Variants in FREM1 observed in about 807,000 individuals in gnomAD.
FREM1 encodes FRAS1-related extracellular matrix protein 1.
FREM1 carries 220 observed loss-of-function variants against 210.1 expected under a neutral mutation model. That is an observed-to-expected ratio of 1.05 (90% CI 0.94 to 1.17). The LOEUF (loss-of-function observed/expected upper bound fraction) is 1.17, where lower values mean the gene tolerates loss of function less well. FREM1 is among the 50% of genes most tolerant of loss of function. FREM1 has a pLI of 0.00. For missense variants in FREM1, 3,454 were observed against 2,675.5 expected (o/e 1.29, Z -6.42); for synonymous variants, 1,189 against 980.2 (o/e 1.21, Z -3.98).
chr9:14,761,882 A>G (rs1845561476), intron 27 of FREM1, among the ~76,000 whole-genome samples: 1 of 152,212 alleles, frequency 6.6e-6, no homozygotes, highest in Non-Finnish European at 1.5e-5. Flanking sequence ...CCCAAAGTGC[A>G]AGAGTAGTGA....
chr9:14,827,129 C>A (rs897690168), intron 10 of FREM1, among the ~76,000 whole-genome samples: 7 of 151,690 alleles, frequency 4.6e-5, no homozygotes, highest in African/African-American at 1.5e-4. Flanking sequence ...GTGAATAGAT[C>A]ATAAAGGGCA....
chr9:14,904,114 C>CAAAAAAAA (rs35708320), intron 1 of FREM1, among the ~76,000 whole-genome samples: 1 of 71,668 alleles, frequency 1.4e-5, no homozygotes, highest in African/African-American at 5.8e-5. Context: ...GACTCCGTCT[C>CAAAAAAAA]AAAAAAAAAA....
chr9:14,860,990 T>TAC (rs1564104186), intron 3 of FREM1, among the ~76,000 whole-genome samples: 1 of 116,264 alleles, frequency 8.6e-6, no homozygotes, highest in African/African-American at 3.9e-5. Context: ...TACACATATA[T>TAC]ACATATATAT....
chr9:14,884,302 TTTC>T (rs1835379173), intron 1 of FREM1, among the ~76,000 whole-genome samples: 1 of 152,162 alleles, frequency 6.6e-6, no homozygotes, highest in Non-Finnish European at 1.5e-5. Flanking sequence ...GGCTCAGCTG[TTTC>T]TTAACATTTC....
chr9:14,759,016 G>A lies in FREM1; in HGVS notation c.5334+756C>T, dbSNP rs74347481. Among the ~76,000 whole-genome samples the A allele has an allele frequency of 3.6e-3, 553 of 152,276 alleles. 6 individuals are homozygous for A. The highest frequency in any genetic ancestry group is 0.013 in the African/African-American group (523 of 41,556). On this transcript the variant is annotated intron_variant, in intron 28 of 36. Coordinates refer to ENST00000380880, the MANE Select transcript of FREM1 (RefSeq NM_001379081.2). ...TGAGCCCATGGGAAGTGACTGAGGT[G>A]AATACTAAGAGAAAGCCTCTTGGGA...
chr9:14,878,111 G>A (rs1834111075), intron 1 of FREM1, among the ~76,000 whole-genome samples: 1 of 152,062 alleles, frequency 6.6e-6, no homozygotes, highest in Admixed American at 6.5e-5. Context: ...TTGATTAAAT[G>A]TTACTTATAC....
At chr9:14,884,956 G>T (rs1004487876) in intron 1 of FREM1, among the ~76,000 whole-genome samples, 2 of 105,248 alleles carry the variant, frequency 1.9e-5, no homozygotes, top group Non-Finnish European at 3.3e-5. Context: ...ACGGAGTCTC[G>T]CTCTGTCGCC....
intron 21 of FREM1, among the ~76,000 whole-genome samples, chr9:14,793,882 CAGT>C (rs778395323): frequency 2.6e-5 from 4 of 152,158 alleles, no homozygotes; most frequent in Non-Finnish European, 5.9e-5. Context: ...TCTTCCCTCG[CAGT>C]GGGTGGTGAC....
At chr9:14,830,141 CA>C (rs1218368411) in intron 10 of FREM1, among the ~76,000 whole-genome samples, 1 of 151,956 alleles carries the variant, frequency 6.6e-6, no homozygotes, top group Non-Finnish European at 1.5e-5. Context: ...AGGGAAGATG[CA>C]AAAGAAAGAG....
At chr9:14,839,404 G>T (rs2131153710) in intron 10 of FREM1, among the ~76,000 whole-genome samples, 1 of 152,326 alleles carries the variant, frequency 6.6e-6, no homozygotes, top group African/African-American at 2.4e-5. Context: ...AGATAGAGAG[G>T]TAGGACACAC....
At chr9:14,752,412 A>T (rs1433243289) in intron 29 of FREM1, among the ~76,000 whole-genome samples, 1 of 152,194 alleles carries the variant, frequency 6.6e-6, no homozygotes, top group African/African-American at 2.4e-5. Flanking sequence ...ACATGGGTGG[A>T]CAGGAGGCCA....
At position 14,863,690 on chromosome 9, in the gene FREM1, C is replaced by G. The variant is rs189750567; in HGVS notation, c.329+119G>C. 7.5e-4 allele frequency: 471 copies of G among 625,782 alleles called. 6 individuals are homozygous for G. The highest frequency in any genetic ancestry group is 7.2e-3 in the African/African-American group (394 of 54,602). The allele number at this position is 625,782 out of a possible 1,614,324, so 38.8% of individuals were successfully genotyped here. ...TCAGGCCTCCAGTTTCTGTTGATTA[C>G]TTTCTTGTCTGGAATCTATTAACTC... is the stretch of plus-strand genomic sequence containing the variant. On this transcript the variant is annotated intron_variant, in intron 3 of 36. Coordinates refer to ENST00000380880, the MANE Select transcript of FREM1 (RefSeq NM_001379081.2).
chr9:14,910,620 C>T (rs115626683), upstream of FREM1: 1,717 of 152,874 alleles, frequency 0.011, 24 homozygotes, highest in Middle Eastern at 0.027. Context: ...CACACAGACA[C>T]ATACACAGGC....
intron 1 of FREM1, among the ~76,000 whole-genome samples, chr9:14,907,089 A>T (rs913722181): frequency 2.0e-5 from 3 of 152,172 alleles, no homozygotes; most frequent in Admixed American, 6.5e-5. Flanking sequence ...CTTCTGTAAA[A>T]ACTTACCCAT....
In FREM1 at chr9:14,823,292, G is replaced by A; in HGVS notation, c.2205C>T (p.Pro735=). 7 of 1,613,824 alleles carry A rather than the reference G, an allele frequency of 4.3e-6. No individual in the cohort carries two copies. Among genetic ancestry groups the A allele is most frequent in the Non-Finnish European group, 5.9e-6 (7 of 1,179,804 alleles). The part of the protein sequence containing the change: ...AVNYMKVAYM[P]PMQDIGPHCR... Reference sequence around the variant, plus strand: ...AATGGGGACCAATGTCTTGCATGGGGGGCATGTAGGCCACTTTCATATAGT... The same window carrying A: ...AATGGGGACCAATGTCTTGCATGGGAGGCATGTAGGCCACTTTCATATAGT... The change falls in exon 13 of 37, where the codon CCC becomes CCT. Residue 735 remains proline (P), a synonymous_variant. Coordinates refer to ENST00000380880, the MANE Select transcript of FREM1 (RefSeq NM_001379081.2).
intron 30 of FREM1, among the ~76,000 whole-genome samples, chr9:14,749,877 CA>C (rs1843045284): frequency 6.6e-6 from 1 of 152,108 alleles, no homozygotes; most frequent in Non-Finnish European, 1.5e-5. Context: ...TCGGTGAGAA[CA>C]ACAAACGGGT....
chr9:14,759,817 A>C lies in FREM1; in HGVS notation c.5289T>G (p.Ile1763Met), dbSNP rs779437827. ...AGTCCATGGAATATCCCCTTCTGAT[A>C]ATTTCCAAGGGCAACAAACCCACAT... ...CENVGLLPLEIIRRGYSMDSA... is the reference protein window; with the variant it reads ...CENVGLLPLEMIRRGYSMDSA... The change falls in exon 28 of 37, where the codon ATT (isoleucine) becomes ATG (methionine). Residue 1763 changes from isoleucine to methionine, a missense_variant. Transcript: ENST00000380880. 14 of 1,612,784 alleles carry C rather than the reference A, an allele frequency of 8.7e-6. No homozygotes were observed. Among genetic ancestry groups the C allele is most frequent in the Non-Finnish European group, 1.2e-5 (14 of 1,179,246 alleles).
At position 14,836,849 on chromosome 9, in the gene FREM1, G is replaced by A. The variant is rs1269056709; in HGVS notation, c.1881+4598C>T. ...AGTCTTCGCCCAAAACCCCCTAACTGCAGTTAGTGTGATATTGCCGCAGGG... is the reference window on the plus strand; with the variant it reads ...AGTCTTCGCCCAAAACCCCCTAACTACAGTTAGTGTGATATTGCCGCAGGG... On this transcript the variant is annotated intron_variant, in intron 10 of 36. Coordinates refer to ENST00000380880, the MANE Select transcript of FREM1 (RefSeq NM_001379081.2). This position sits in a 1 kb window ranked among gnomAD's most constrained non-coding sequence, Gnocchi z 4.9. Among the ~76,000 whole-genome samples the A allele has an allele frequency of 6.6e-6, 1 of 152,136 alleles. No individual in the cohort carries two copies. Among genetic ancestry groups the A allele is most frequent in the Non-Finnish European group, 1.5e-5 (1 of 68,012 alleles).
chr9:14,740,321 TTAAAATACACAAAAAAG>T (rs1841318072), intron 35 of FREM1, 87 bp from the exon 36 acceptor site: 1 of 985,076 alleles, frequency 1.0e-6, no homozygotes, highest in Non-Finnish European at 1.6e-6. Context: ...AAAAGTAAGT[TTAAAATACACAAAAAAG>T]TAGGTCTTTA....
Sources: allele counts gnomAD v4.1 joint callset (sites outside exome capture counted in the v4.1 genomes callset), GRCh38; gene constraint gnomAD v4.1.1; non-coding constraint Gnocchi (gnomAD v3.1); transcripts MANE v1.5; gene names NCBI Gene and HGNC (gene_info 2026-07-23, HGNC 2026-07-21).